The following LRTM1 variants were observed in gnomAD, a reference collection of about 807,000 sequenced individuals.
The protein encoded by LRTM1 is leucine rich repeat transmembrane protein 1, also known as leucine-rich repeat and transmembrane domain-containing protein 1.
In LRTM1, 38 loss-of-function variants were observed where a neutral mutation model predicts 32.4. That is an observed-to-expected ratio of 1.17 (90% confidence interval 0.91 to 1.54). The LOEUF is 1.54. LRTM1 is among the 40% of genes most tolerant of loss of function. The probability of loss-of-function intolerance (pLI) is 0.00; values close to 1 mark genes in which losing one functional copy is unlikely to be tolerated. For synonymous variants in LRTM1, 186 were observed against 169.9 expected (o/e 1.09, Z -0.74); for missense variants, 466 against 415.4 (o/e 1.12, Z -1.06).
At chr3:54,928,783 T>A (rs1701103169), upstream of LRTM1, among the ~76,000 whole-genome samples, 1 of 151,784 alleles carries the variant, frequency 6.6e-6, no homozygotes, top group African/African-American at 2.4e-5. Context: ...TCTTTCTTCG[T>A]TTCCCTGATG....
At chr3:54,954,247 G>A (rs1049351875) in intron 1 of LRTM1, among the ~76,000 whole-genome samples, 1 of 152,180 alleles carries the variant, frequency 6.6e-6, no homozygotes, top group South Asian at 2.1e-4. Context: ...GGTCACCTTC[G>A]AGTCAGTCGG....
At chr3:54,929,425 G>A (rs902035003), upstream of LRTM1, among the ~76,000 whole-genome samples, 12 of 152,186 alleles carry the variant, frequency 7.9e-5, no homozygotes, top group African/African-American at 2.2e-4. Context: ...CTGGCCCTTC[G>A]TGCCACTCTG....
intron 2 of LRTM1, among the ~76,000 whole-genome samples, chr3:54,921,840 T>C (rs2106932384): frequency 6.6e-6 from 1 of 152,342 alleles, no homozygotes; most frequent in Middle Eastern, 3.4e-3. Context: ...CATATATAAC[T>C]AAAGTCTGGG....
At chr3:54,930,913 A>AT (rs960967719), upstream of LRTM1, among the ~76,000 whole-genome samples, 6 of 152,196 alleles carry the variant, frequency 3.9e-5, no homozygotes, top group African/African-American at 1.2e-4. Context: ...CCTGGCCAAC[A>AT]AGGTGAAACC....
chr3:54,955,254 C>T (rs1701855713), intron 1 of LRTM1, among the ~76,000 whole-genome samples: 1 of 152,076 alleles, frequency 6.6e-6, no homozygotes, highest in Non-Finnish European at 1.5e-5. Flanking sequence ...AGGTGAGGGG[C>T]AGAGCTGCAC....
intron 2 of LRTM1, among the ~76,000 whole-genome samples, chr3:54,920,633 A>AG (rs1393057455): frequency 2.6e-5 from 4 of 152,194 alleles, no homozygotes; most frequent in Admixed American, 6.5e-5. Context: ...ACCTGACCAT[A>AG]GGAGCCTCTG....
rs367743937 is a variant in LRTM1, at chr3:54,927,915, T to C, written c.-4A>G. ...TTGATCAGGGCTCACCTTTCATGAC[T>C]GAGTCTCCTTGGGCGTCCTTGCTGA... On this transcript the variant is annotated 5_prime_UTR_variant, in exon 1 of 3. Coordinates refer to ENST00000273286, the MANE Select transcript of LRTM1 (RefSeq NM_020678.4). 6.2e-7 allele frequency: 1 copy of C among 1,613,732 alleles called. No homozygotes were observed. The highest frequency in any genetic ancestry group is 8.5e-7 in the Non-Finnish European group (1 of 1,179,688).
chr3:54,949,829 ACTGGGCC>A (rs2107011940), intron 1 of LRTM1, among the ~76,000 whole-genome samples: 1 of 152,200 alleles, frequency 6.6e-6, no homozygotes, highest in South Asian at 2.1e-4. Context: ...CTTTCTGAAA[ACTGGGCC>A]CCTGCCAAGC....
intron 2 of LRTM1, among the ~76,000 whole-genome samples, chr3:54,921,068 G>A (rs913332620): frequency 5.9e-5 from 9 of 152,136 alleles, no homozygotes; most frequent in African/African-American, 1.2e-4. Flanking sequence ...TGACCCCCTC[G>A]TCAAATCTGC....
intron 1 of LRTM1, among the ~76,000 whole-genome samples, chr3:54,926,911 A>G (rs1396363445): frequency 1.3e-5 from 2 of 152,088 alleles, no homozygotes; most frequent in African/African-American, 4.8e-5. Flanking sequence ...TTAAGTTCAC[A>G]TTTTCTTAGA....
At chr3:54,951,661 A>G (rs1399630177) in intron 1 of LRTM1, among the ~76,000 whole-genome samples, 1 of 150,176 alleles carries the variant, frequency 6.7e-6, no homozygotes, top group Admixed American at 6.6e-5. Context: ...CAGTTCCAAG[A>G]AGTCCTGGCA....
At chr3:54,951,822 C>T (rs907638524) in intron 1 of LRTM1, among the ~76,000 whole-genome samples, 31 of 152,304 alleles carry the variant, frequency 2.0e-4, no homozygotes, top group African/African-American at 7.5e-4. Context: ...ATTCTATTTT[C>T]TGTCTTCTTA....
rs987775860 is a variant in LRTM1 at position 54,918,423 on chromosome 3, G to A, written c.*36C>T. On this transcript the variant is annotated 3_prime_UTR_variant, in exon 3 of 3. Coordinates refer to ENST00000273286, the MANE Select transcript of LRTM1 (RefSeq NM_020678.4). ...AGCCCTACTCAGACACTATCTTCTG[G>A]CCTGCAATGACCAATCCTATTTGAG... The A allele has an allele frequency of 6.3e-7, 1 of 1,575,098 alleles. No homozygotes were observed. The highest frequency in any genetic ancestry group is 8.6e-7 in the Non-Finnish European group (1 of 1,157,694).
chr3:54,942,189 T>C (rs1350807551), intron 1 of LRTM1, among the ~76,000 whole-genome samples: 1 of 152,200 alleles, frequency 6.6e-6, no homozygotes, highest in African/African-American at 2.4e-5. Flanking sequence ...GATACAACCG[T>C]GTATCTCTGC....
intron 1 of LRTM1, among the ~76,000 whole-genome samples, chr3:54,949,597 CAG>C (rs1178756969): frequency 1.3e-5 from 2 of 152,176 alleles, no homozygotes; most frequent in African/African-American, 4.8e-5. Flanking sequence ...GCACTGGAAT[CAG>C]GGCACATTAT....
At chr3:54,935,629 CA>C (rs770974544) in intron 1 of LRTM1, among the ~76,000 whole-genome samples, 71 of 152,320 alleles carry the variant, frequency 4.7e-4, no homozygotes, top group Non-Finnish European at 7.9e-4. Flanking sequence ...CTCATGTTAA[CA>C]CATGAAATGA....
intron 1 of LRTM1, among the ~76,000 whole-genome samples, chr3:54,946,635 G>C (rs377353412): frequency 4.6e-4 from 70 of 152,198 alleles, no homozygotes; most frequent in African/African-American, 1.6e-3. Context: ...CAGGAGAGCC[G>C]TCCTTTCATG....
intron 2 of LRTM1, among the ~76,000 whole-genome samples, chr3:54,922,534 A>G (rs1044094980): frequency 6.6e-6 from 1 of 152,072 alleles, no homozygotes; most frequent in African/African-American, 2.4e-5. Flanking sequence ...CTGGATATTG[A>G]TTATGTAATT....
intron 1 of LRTM1, among the ~76,000 whole-genome samples, chr3:54,935,817 G>T (rs1243756033): frequency 6.6e-6 from 1 of 152,050 alleles, no homozygotes; most frequent in Non-Finnish European, 1.5e-5. Context: ...TCTCTTTAAG[G>T]TTTGTTCTAT....
Sources: allele counts gnomAD v4.1 joint callset (sites outside exome capture counted in the v4.1 genomes callset), GRCh38; gene constraint gnomAD v4.1.1; transcripts MANE v1.5; gene names NCBI Gene and HGNC (gene_info 2026-07-23, HGNC 2026-07-21).